CCDC7: variants seen among roughly 807,000 people sequenced by gnomAD.
The protein encoded by CCDC7 is coiled-coil domain containing 7.
A neutral mutation model predicts 196.9 loss-of-function variants in CCDC7; 183 were observed. The observed-to-expected ratio is 0.93, with a 90% confidence interval of 0.82 to 1.05. CCDC7 has a LOEUF of 1.05. CCDC7 is among the 50% of genes least tolerant of loss of function. The pLI, the probability that CCDC7 is intolerant of heterozygous loss-of-function variation, is 0.00. For missense variants in CCDC7, 1,540 were observed against 1,482.2 expected, an observed-to-expected ratio of 1.04 and a Z score of -0.64; for synonymous variants, 525 against 484.6, an observed-to-expected ratio of 1.08 and a Z score of -1.10.
At chr10:32,753,014 G>A (rs2075891735) in intron 28 of CCDC7, among the ~76,000 whole-genome samples, 1 of 152,016 alleles carries the variant, frequency 6.6e-6, no homozygotes. Context: ...ATTTAATATG[G>A]GAAATTACTA....
At chr10:32,481,241 T>A (rs2039911037) in intron 8 of CCDC7, among the ~76,000 whole-genome samples, 1 of 152,136 alleles carries the variant, frequency 6.6e-6, no homozygotes, top group Non-Finnish European at 1.5e-5. Context: ...GGTAGTCTTG[T>A]TTTTTTATTC....
chr10:32,616,049 T>C (rs1273389399), intron 18 of CCDC7, among the ~76,000 whole-genome samples: 1 of 152,164 alleles, frequency 6.6e-6, no homozygotes, highest in Non-Finnish European at 1.5e-5. Context: ...CCATGTTGTT[T>C]TGCTTACTCT....
intron 20 of CCDC7, among the ~76,000 whole-genome samples, chr10:32,635,876 T>C (rs1399797365): frequency 6.6e-6 from 1 of 152,210 alleles, no homozygotes; most frequent in Non-Finnish European, 1.5e-5. Context: ...TTTAGTCTTA[T>C]TATTGATAAT....
At chr10:32,647,370 G>C (rs778450468) in intron 20 of CCDC7, among the ~76,000 whole-genome samples, 1 of 152,132 alleles carries the variant, frequency 6.6e-6, no homozygotes, top group Non-Finnish European at 1.5e-5. Context: ...ACAGCCAGGT[G>C]TAGAAGCACG....
chr10:32,703,523 G>T (rs1156472996), intron 24 of CCDC7, among the ~76,000 whole-genome samples: 1 of 151,898 alleles, frequency 6.6e-6, no homozygotes, highest in East Asian at 1.9e-4. Flanking sequence ...GAGTATCTTT[G>T]TGGCATTCTC....
chr10:32,759,095 G>T (rs1364650412), intron 28 of CCDC7, among the ~76,000 whole-genome samples: 1 of 152,112 alleles, frequency 6.6e-6, no homozygotes, highest in African/African-American at 2.4e-5. Flanking sequence ...AATAAAAGAG[G>T]ACTCAAACAA....
chr10:32,639,629 G>GTTT (rs552548575), intron 20 of CCDC7, among the ~76,000 whole-genome samples: 1,497 of 133,248 alleles, frequency 0.011, 16 homozygotes, highest in Non-Finnish European at 0.018. Context: ...TTTCTGTTCT[G>GTTT]TTTTTTTTTT....
chr10:32,608,960 T>C (rs534662842), intron 18 of CCDC7, among the ~76,000 whole-genome samples: 107 of 152,338 alleles, frequency 7.0e-4, no homozygotes, highest in African/African-American at 2.5e-3. Context: ...TAGTTTTCCA[T>C]TGTGGTTTTA....
intron 28 of CCDC7, among the ~76,000 whole-genome samples, chr10:32,742,765 C>G (rs561920016): frequency 6.6e-6 from 1 of 152,088 alleles, no homozygotes; most frequent in African/African-American, 2.4e-5. Flanking sequence ...CTCACTGTAC[C>G]TTCATGTAGT....
chr10:32,852,621 A>ATGTAAATCAT (rs1188581309), intron 40 of CCDC7, among the ~76,000 whole-genome samples: 2 of 152,174 alleles, frequency 1.3e-5, no homozygotes, highest in Non-Finnish European at 2.9e-5. Flanking sequence ...CTTTTAAAAA[A>ATGTAAATCAT]TGTAAATCAT....
intron 21 of CCDC7, among the ~76,000 whole-genome samples, chr10:32,676,116 GA>G: frequency 1.4e-5 from 2 of 147,060 alleles, no homozygotes; most frequent in East Asian, 3.9e-4. Flanking sequence ...TCAAACCTGA[GA>G]AAAACAAGCA....
intron 25 of CCDC7, among the ~76,000 whole-genome samples, chr10:32,717,174 T>C (rs1350978244): frequency 1.3e-5 from 2 of 151,858 alleles, no homozygotes; most frequent in African/African-American, 4.8e-5. Context: ...ATGGAAATCG[T>C]AACAATCTCT....
intron 2 of CCDC7, among the ~76,000 whole-genome samples, chr10:32,455,098 C>T (rs902110017): frequency 6.6e-6 from 1 of 152,024 alleles, no homozygotes; most frequent in Non-Finnish European, 1.5e-5. Context: ...TCTCTATCTT[C>T]TCTATATTTG....
chr10:32,852,195 G>C (rs910176280), intron 40 of CCDC7, among the ~76,000 whole-genome samples: 18 of 152,170 alleles, frequency 1.2e-4, no homozygotes, highest in Admixed American at 5.9e-4. Flanking sequence ...GACTACTGCA[G>C]ATTTTGTGGA....
chr10:32,835,995 T>C (rs2092572917), intron 33 of CCDC7, among the ~76,000 whole-genome samples: 1 of 152,126 alleles, frequency 6.6e-6, no homozygotes, highest in Non-Finnish European at 1.5e-5. Flanking sequence ...ATTCTCTCTA[T>C]TTGATAAAAA....
intron 18 of CCDC7, among the ~76,000 whole-genome samples, chr10:32,621,269 G>C (rs1212122081): frequency 6.6e-6 from 1 of 152,078 alleles, no homozygotes; most frequent in Admixed American, 6.5e-5. Flanking sequence ...ACCATCTCTT[G>C]AAGATACCGC....
chr10:32,736,109 G>T (rs2084822630), intron 28 of CCDC7, among the ~76,000 whole-genome samples: 2 of 152,004 alleles, frequency 1.3e-5, no homozygotes, highest in Non-Finnish European at 1.5e-5. Context: ...CTTTGATTTT[G>T]TTTTCCTTTA....
intron 20 of CCDC7, among the ~76,000 whole-genome samples, chr10:32,648,197 T>C (rs942982717): frequency 2.6e-5 from 4 of 152,334 alleles, no homozygotes; most frequent in Admixed American, 2.6e-4. Context: ...GTGTCTGTTT[T>C]TGTACCAGTA....
At chr10:32,751,287 G>T (rs1217060852) in intron 28 of CCDC7, among the ~76,000 whole-genome samples, 1 of 151,838 alleles carries the variant, frequency 6.6e-6, no homozygotes, top group African/African-American at 2.4e-5. Flanking sequence ...AGTCCTTCTT[G>T]CCTCCATTAA....
Sources: gnomAD v4.1 joint callset for allele counts (sites outside exome capture counted in the v4.1 genomes callset) on GRCh38, gnomAD v4.1.1 for gene constraint, MANE v1.5 for transcripts, NCBI Gene and HGNC (gene_info 2026-07-23, HGNC 2026-07-21) for gene names.